ALPK3: variants seen among roughly 807,000 people sequenced by gnomAD.
ALPK3 encodes the protein alpha kinase 3, also known as alpha-protein kinase 3.
In ALPK3, 102 loss-of-function variants were observed where a neutral mutation model predicts 140.0. That is an observed-to-expected ratio of 0.73 (90% CI 0.62 to 0.86). The LOEUF (loss-of-function observed/expected upper bound fraction) is 0.86. ALPK3 is among the 40% of genes least tolerant of loss of function. The probability of loss-of-function intolerance (pLI) is 0.00; values close to 1 mark genes in which losing one functional copy is unlikely to be tolerated. For synonymous variants in ALPK3, 938 were observed against 898.5 expected (o/e 1.04, Z -0.79); for missense variants, 2,254 against 2,208.2 (o/e 1.02, Z -0.42).
intron 5 of ALPK3, among the ~76,000 whole-genome samples, chr15:84,845,079 AGATTGGG>A (rs1175001242): frequency 1.3e-5 from 2 of 152,190 alleles, no homozygotes; most frequent in Non-Finnish European, 2.9e-5. Flanking sequence ...AGTCGCAGAC[AGATTGGG>A]GATGAAGACC....
At chr15:84,848,911 G>A (rs930267375) in intron 5 of ALPK3, among the ~76,000 whole-genome samples, 2 of 152,164 alleles carry the variant, frequency 1.3e-5, no homozygotes, top group African/African-American at 4.8e-5. Context: ...GGAGGACAAG[G>A]CAGGCAGATC....
intron 5 of ALPK3, among the ~76,000 whole-genome samples, chr15:84,848,002 T>C (rs61063411): frequency 0.26 from 39,096 of 150,926 alleles, 5,272 homozygotes; most frequent in Non-Finnish European, 0.28. Flanking sequence ...GCAGAGGTTG[T>C]GGTGAACTGA....
chr15:84,840,105 A>G lies in ALPK3; in HGVS notation c.826A>G (p.Thr276Ala), dbSNP rs764928810. The change falls in exon 5 of 14, where the codon ACC (threonine) becomes GCC (alanine). Residue 276 changes from threonine to alanine, a missense_variant. This residue lies in a region of ALPK3 where 2,088 missense variants were observed against 2,022.9 expected (regional missense o/e 1.03). Coordinates refer to ENST00000258888, the MANE Select transcript of ALPK3 (RefSeq NM_020778.5). Reference sequence around the variant, plus strand: ...CAGTTTTGCTTCTGGAGAAGTGACCACCAACGGGGAGGCTGCCCCCGAGAA... The same window carrying G: ...CAGTTTTGCTTCTGGAGAAGTGACCGCCAACGGGGAGGCTGCCCCCGAGAA... ...INSFASGEVT[T>A]NGEAAPENGE... The G allele has an allele frequency of 4.3e-6, 7 of 1,614,046 alleles. No individual in the cohort carries two copies. Among genetic ancestry groups the G allele is most frequent in the Non-Finnish European group, 5.9e-6 (7 of 1,179,988 alleles).
In ALPK3 at chr15:84,858,471, G is replaced by T. The variant is rs773569562; in HGVS notation, c.3733G>T (p.Gly1245Cys). Reference sequence around the variant, plus strand: ...AGACCTGGGCCCCAGCCCCAAGGCCGGCGGTCTGGACACAGAGGTGGCCCT... The same window carrying T: ...AGACCTGGGCCCCAGCCCCAAGGCCTGCGGTCTGGACACAGAGGTGGCCCT... ...AGDLGPSPKA[G>C]GLDTEVALDE... Residue 1245 changes from glycine (G) to cysteine (C), a missense_variant, in exon 6 of 14, where the codon GGC becomes TGC. Physicochemically the swap from Gly to Cys is radical, Grantham distance 159. Transcript: ENST00000258888. 1 of 1,572,586 alleles carries T rather than the reference G, an allele frequency of 6.4e-7. No homozygotes were observed.
At position 84,857,606 on chromosome 15, in the gene ALPK3, CAT is replaced by C; in HGVS notation, c.2870_2871del (p.Ile957ArgfsTer50). ...PGPRSCDPGLIDSLKNYLLLL... is the reference protein window; with the variant it reads ...PGPRSCDPGLXDSLKNYLLLL... ...GTCCCCGGAGCTGTGACCCTGGCCT[CAT>C]AGATTCCCTGAAGAACTACCTGCTT... On this transcript the variant is annotated frameshift_variant, in exon 6 of 14. Coordinates refer to ENST00000258888, the MANE Select transcript of ALPK3 (RefSeq NM_020778.5). LOFTEE classifies it high-confidence loss of function. 6.3e-7 allele frequency: 1 copy of C among 1,575,830 alleles called. No homozygotes were observed. Among genetic ancestry groups the C allele is most frequent in the Non-Finnish European group, 8.6e-7 (1 of 1,157,956 alleles).
chr15:84,823,248 A>T (rs1963447307), intron 1 of ALPK3, 82 bp from the exon 2 acceptor site: 9 of 1,519,084 alleles, frequency 5.9e-6, no homozygotes, highest in Non-Finnish European at 8.2e-6. Flanking sequence ...ATGGTGGCCG[A>T]TTAATAGTTT....
chr15:84,845,987 G>T (rs942615377), intron 5 of ALPK3, among the ~76,000 whole-genome samples: 29 of 152,292 alleles, frequency 1.9e-4, no homozygotes, highest in African/African-American at 6.5e-4. Flanking sequence ...TTGAACCCGG[G>T]AACCTGGGAG....
At position 84,869,977 on chromosome 15, in the gene ALPK3, T is replaced by TA. The variant is rs1193539753; in HGVS notation, c.*1522dup. 1 of 152,164 alleles carries TA rather than the reference T, an allele frequency of 6.6e-6. No homozygotes were observed. The highest frequency in any genetic ancestry group is 1.5e-5 in the Non-Finnish European group (1 of 68,024). The allele number at this position is 152,164 out of a possible 1,614,324, so 9.4% of individuals were successfully genotyped here. ...CCCCTTAGCAGGGTGTCTGGGGACT[T>TA]ACGCCTTTGGAATTGCTCTTCATTC... On this transcript the variant is annotated 3_prime_UTR_variant, in exon 14 of 14. Transcript: ENST00000258888.
chr15:84,833,328 A>G (rs1384298366), intron 3 of ALPK3, among the ~76,000 whole-genome samples: 1 of 152,220 alleles, frequency 6.6e-6, no homozygotes, highest in East Asian at 1.9e-4. Context: ...ATTAGGAAAG[A>G]GGTCTCTATG....
rs558243764 is a variant in ALPK3 at position 84,841,406 on chromosome 15, G to A, written c.1653+474G>A. Among the ~76,000 whole-genome samples the A allele has an allele frequency of 3.3e-5, 5 of 152,330 alleles. No individual in the cohort carries two copies. In the East Asian group the frequency reaches 9.6e-4, roughly 29 times the overall value. On this transcript the variant is annotated intron_variant, in intron 5 of 13. Transcript: ENST00000258888. The stretch of plus-strand genomic sequence containing the variant: ...CTGGTTAAATCTGGGTTTATCTAAG[G>A]TTCTGGAGTCAGGCATACCTATATG...
intron 1 of ALPK3, among the ~76,000 whole-genome samples, chr15:84,821,632 G>A (rs150546712): frequency 3.4e-4 from 52 of 152,162 alleles, no homozygotes; most frequent in African/African-American, 6.5e-4. Flanking sequence ...GCTCCCTCTC[G>A]GGGGCAGCAC....
In ALPK3 at chr15:84,862,873, TGA is replaced by T; in HGVS notation, c.4371_4372del (p.Glu1457AspfsTer43). 1 of 1,614,116 alleles carries T rather than the reference TGA, an allele frequency of 6.2e-7. No individual in the cohort carries two copies. Among genetic ancestry groups the T allele is most frequent in the Non-Finnish European group, 8.5e-7 (1 of 1,180,006 alleles). ...GCCTGCTTGTGTTTGGGCCCAGCAG[TGA>T]GACTTCTCTTGTGGGCAGAAACTAC... Reference protein sequence around the residue: ...SSLLVFGPSSETSLVGRNYDV... With the variant: ...SSLLVFGPSSXTSLVGRNYDV... On this transcript the variant is annotated frameshift_variant, in exon 10 of 14. Coordinates refer to ENST00000258888, the MANE Select transcript of ALPK3 (RefSeq NM_020778.5). LOFTEE classifies it high-confidence loss of function.
At chr15:84,868,048 C>T (rs1256172756) in intron 13 of ALPK3, 63 bp from the exon 14 acceptor site, 33 of 1,510,096 alleles carry the variant, frequency 2.2e-5, no homozygotes, top group Middle Eastern at 1.8e-4. Context: ...CCCCAGAGTC[C>T]GCCCCCCAAG....
intron 9 of ALPK3, 91 bp downstream of exon 9, chr15:84,860,163 C>T: frequency 6.9e-7 from 1 of 1,442,136 alleles, no homozygotes; most frequent in Non-Finnish European, 9.7e-7. Context: ...TGGTCCCAAT[C>T]CACATACTGC....
At chr15:84,826,404 T>A (rs1022888475) in intron 2 of ALPK3, among the ~76,000 whole-genome samples, 1 of 152,168 alleles carries the variant, frequency 6.6e-6, no homozygotes, top group Non-Finnish European at 1.5e-5. Context: ...TTTCTCCTGC[T>A]TCTCTTCCCT....
chr15:84,859,646 A>T, intron 7 of ALPK3, 130 bp from the exon 8 acceptor site: 1 of 1,393,442 alleles, frequency 7.2e-7, no homozygotes, highest in Admixed American at 2.8e-5. Context: ...TGGCCCTGGA[A>T]TCGCGCTGCT....
rs570681326 is a variant in ALPK3, at chr15:84,840,620, G to A, written c.1341G>A (p.Lys447=). The A allele has an allele frequency of 1.3e-6, 2 of 1,559,470 alleles. No homozygotes were observed. The highest frequency in any genetic ancestry group is 3.9e-5 in the Admixed American group (2 of 51,726). Residue 447 remains lysine (K), a synonymous_variant, in exon 5 of 14, where the codon AAG becomes AAA. Coordinates refer to ENST00000258888, the MANE Select transcript of ALPK3 (RefSeq NM_020778.5). ...LSVRAPGESP[K]GKAPLRARSE... The stretch of plus-strand genomic sequence containing the variant: ...TCCGGGCGCCTGGGGAGAGTCCCAA[G>A]GGGAAGGCACCCCTCAGGGCTAGAA...
rs116141596 is a variant in ALPK3 at position 84,819,967 on chromosome 15, G to T, written c.143+2372G>T. ...GGGTTTCCAGTCCATGTCGGTGCAA[G>T]AATATTTCCAATGCCCACTGGGGTC... On this transcript the variant is annotated intron_variant, in intron 1 of 13. Coordinates refer to ENST00000258888, the MANE Select transcript of ALPK3 (RefSeq NM_020778.5). Among the ~76,000 whole-genome samples, 999 of 152,230 alleles carry T rather than the reference G, an allele frequency of 6.6e-3. 13 individuals carry two copies. Among genetic ancestry groups the T allele is most frequent in the African/African-American group, 0.023 (946 of 41,518 alleles).
At chr15:84,823,203 TG>T in intron 1 of ALPK3, 126 bp from the exon 2 acceptor site, 2 of 1,028,392 alleles carry the variant, frequency 1.9e-6, no homozygotes, top group Non-Finnish European at 3.0e-6. Flanking sequence ...CTAAGACAGC[TG>T]GTCCCTTTTA....
Sources: allele counts gnomAD v4.1 joint callset (sites outside exome capture counted in the v4.1 genomes callset), GRCh38; gene constraint gnomAD v4.1.1; regional missense constraint gnomAD v4.1.1; transcripts MANE v1.5; gene names NCBI Gene and HGNC (gene_info 2026-07-23, HGNC 2026-07-21).